MICAL3: variants seen among roughly 807,000 people sequenced by gnomAD.
MICAL3 encodes [F-actin]-monooxygenase MICAL3.
In MICAL3, 62 loss-of-function variants were observed where a neutral mutation model predicts 207.4. The observed-to-expected ratio is 0.30, with a 90% CI of 0.24 to 0.37. MICAL3 has a LOEUF of 0.37. Ranked by LOEUF, MICAL3 falls within the 10% of genes least tolerant of loss-of-function variation. The probability of loss-of-function intolerance (pLI) is 1.00; values close to 1 mark genes in which losing one functional copy is unlikely to be tolerated. For missense variants in MICAL3, 2,368 were observed against 2,635.6 expected (o/e 0.90, Z 2.22); for synonymous variants, 1,077 against 1,069.3 (o/e 1.01, Z -0.14).
chr22:17,829,666 C>G (rs1044179254), intron 21 of MICAL3, among the ~76,000 whole-genome samples: 10 of 152,212 alleles, frequency 6.6e-5, no homozygotes, highest in Admixed American at 1.3e-4. Context: ...GCCTTGGGGA[C>G]TTATCGACAG....
intron 29 of MICAL3, among the ~76,000 whole-genome samples, chr22:17,798,446 G>A (rs958630588): frequency 1.3e-5 from 2 of 152,122 alleles, no homozygotes; most frequent in South Asian, 2.1e-4. Context: ...GCTCCAAGGC[G>A]TCAGGGACAG....
intron 1 of MICAL3, among the ~76,000 whole-genome samples, chr22:17,916,670 C>CCCCCACAA (rs1932538120): frequency 6.6e-6 from 1 of 152,082 alleles, no homozygotes; most frequent in Non-Finnish European, 1.5e-5. Flanking sequence ...ACCGTCTGCC[C>CCCCCACAA]CCCCACAACC....
At chr22:17,820,363 C>A (rs1569079546) in intron 25 of MICAL3, among the ~76,000 whole-genome samples, 1 of 151,546 alleles carries the variant, frequency 6.6e-6, no homozygotes, top group Non-Finnish European at 1.5e-5. Context: ...CTGTAAATTT[C>A]TTTTTTTTTG....
intron 1 of MICAL3, among the ~76,000 whole-genome samples, chr22:17,921,821 A>C (rs190730938): frequency 2.0e-5 from 3 of 151,886 alleles, no homozygotes; most frequent in South Asian, 4.2e-4. Flanking sequence ...GCTCCAATAC[A>C]TCCTCCACGA....
chr22:17,963,174 G>GA (rs1278654989), intron 1 of MICAL3, among the ~76,000 whole-genome samples: 1 of 152,040 alleles, frequency 6.6e-6, no homozygotes, highest in African/African-American at 2.4e-5. Context: ...GTGCAGTGGG[G>GA]TGATCTCAGC....
At chr22:17,873,752 G>A (rs1052151855) in intron 16 of MICAL3, among the ~76,000 whole-genome samples, 3 of 152,212 alleles carry the variant, frequency 2.0e-5, no homozygotes, top group Admixed American at 6.5e-5. Context: ...ATCATGAGCC[G>A]CCCTGCTCAC....
intron 1 of MICAL3, among the ~76,000 whole-genome samples, chr22:17,942,848 C>T (rs908333449): frequency 6.6e-6 from 1 of 152,196 alleles, no homozygotes; most frequent in Admixed American, 6.5e-5. Context: ...CCTGCTCTGC[C>T]GAATTCCCAG....
intron 19 of MICAL3, among the ~76,000 whole-genome samples, chr22:17,858,978 A>G (rs995610285): frequency 1.3e-5 from 2 of 152,064 alleles, no homozygotes; most frequent in African/African-American, 4.8e-5. Context: ...CCCACATCCC[A>G]ATTCCTTCTC....
At position 17,787,712 on chromosome 22, in the gene MICAL3, C is replaced by T. The variant is rs954525106; in HGVS notation, c.*3020G>A. ...ATTCCCTTTGTGGGTCAGATGTTAC[C>T]ACCTTTAAAAAAATGTTTTTTAACT... On this transcript the variant is annotated 3_prime_UTR_variant, in exon 32 of 32. Transcript: ENST00000441493. 7.9e-5 allele frequency: 12 copies of T among 152,192 alleles called. No homozygotes were observed. The highest frequency in any genetic ancestry group is 2.9e-4 in the African/African-American group (12 of 41,452). 9.4% of individuals were successfully genotyped at this position (152,192 alleles called of 1,614,324 possible).
At chr22:17,857,801 G>A (rs188752857) in intron 19 of MICAL3, among the ~76,000 whole-genome samples, 1 of 152,346 alleles carries the variant, frequency 6.6e-6, no homozygotes, top group African/African-American at 2.4e-5. Context: ...AGGGCCTTCT[G>A]AGGGGCGTGT....
chr22:17,871,309 C>G (rs1927701509), intron 17 of MICAL3, among the ~76,000 whole-genome samples: 1 of 152,192 alleles, frequency 6.6e-6, no homozygotes, highest in Admixed American at 6.5e-5. Context: ...AAATCAGATT[C>G]AGGCCCTGTG....
intron 13 of MICAL3, 139 bp from the exon 14 acceptor site, chr22:17,887,574 G>C (rs1930033570): frequency 6.8e-6 from 4 of 589,452 alleles, no homozygotes; most frequent in Non-Finnish European, 1.2e-5. Context: ...ACAAGCATGT[G>C]GTCTCAGTAG....
At chr22:17,808,746 G>T in intron 29 of MICAL3, 98 bp downstream of exon 29, 2 of 950,874 alleles carry the variant, frequency 2.1e-6, no homozygotes, top group South Asian at 1.5e-5. Context: ...TGCTGGAAAA[G>T]GAGCTGAATT....
intron 29 of MICAL3, chr22:17,803,593 C>T (rs1171518601): frequency 6.5e-6 from 1 of 153,016 alleles, no homozygotes; most frequent in Non-Finnish European, 1.5e-5. Context: ...TAAAAACGAC[C>T]CCAGGCAGCA....
chr22:17,939,813 GC>G (rs1337267949), intron 1 of MICAL3, among the ~76,000 whole-genome samples: 2 of 152,084 alleles, frequency 1.3e-5, no homozygotes, highest in Non-Finnish European at 2.9e-5. Context: ...AGTCACTTCT[GC>G]CTACCTAACG....
chr22:17,986,581 C>G (rs1467271334), intron 1 of MICAL3, among the ~76,000 whole-genome samples: 1 of 152,024 alleles, frequency 6.6e-6, no homozygotes, highest in African/African-American at 2.4e-5. Flanking sequence ...TCTAAGTAGG[C>G]TGAAGGCAAA....
Position 17,821,985 on chromosome 22 carries a change from C to T in MICAL3, c.3448+45G>A, listed in dbSNP as rs142673144. On this transcript the variant is annotated intron_variant, in intron 24 of 31. Coordinates refer to ENST00000441493, the MANE Select transcript of MICAL3 (RefSeq NM_015241.3). ...GCCACTCTTGTGTGCATATGGCCCTCGTAGGAATTCTGAAAGTTGTTTCTC... is the reference window on the plus strand; with the variant it reads ...GCCACTCTTGTGTGCATATGGCCCTTGTAGGAATTCTGAAAGTTGTTTCTC... 503 of 1,602,070 alleles carry T rather than the reference C, an allele frequency of 3.1e-4. No individual in the cohort carries two copies. The African/African-American group carries it at 5.4e-3, about 17-fold the overall frequency.
intron 1 of MICAL3, among the ~76,000 whole-genome samples, chr22:17,915,335 G>T (rs934084570): frequency 6.6e-6 from 1 of 152,208 alleles, no homozygotes; most frequent in Non-Finnish European, 1.5e-5. Context: ...GCAGACCCAG[G>T]AAGCTGGCTG....
chr22:17,978,811 G>A (rs1935772645), intron 1 of MICAL3, among the ~76,000 whole-genome samples: 1 of 151,590 alleles, frequency 6.6e-6, no homozygotes, highest in Non-Finnish European at 1.5e-5. Flanking sequence ...GAGCCACCGT[G>A]CCTGGCCTGA....
Sources: gnomAD v4.1 joint callset for allele counts (sites outside exome capture counted in the v4.1 genomes callset) on GRCh38, gnomAD v4.1.1 for gene constraint, MANE v1.5 for transcripts, NCBI Gene and HGNC (gene_info 2026-07-23, HGNC 2026-07-21) for gene names.